Variants in FGF1 observed in about 807,000 individuals in gnomAD.
The protein encoded by FGF1 is fibroblast growth factor 1, also known as beta-endothelial cell growth factor.
Under a neutral mutation model 13.4 loss-of-function variants are expected in FGF1, and 9 were observed. That is an observed-to-expected ratio of 0.67 (90% CI 0.40 to 1.17). The LOEUF (loss-of-function observed/expected upper bound fraction) is 1.17. FGF1 is among the 50% of genes most tolerant of loss of function. The pLI is 0.01. For synonymous variants in FGF1, 93 were observed against 79.0 expected, an observed-to-expected ratio of 1.18 and a Z score of -0.94; for missense variants, 156 against 192.7, an observed-to-expected ratio of 0.81 and a Z score of 1.13.
At chr5:142,644,010 T>C (rs1009780988) in intron 1 of FGF1, 2 of 152,214 alleles carry the variant, frequency 1.3e-5, no homozygotes, top group Non-Finnish European at 2.9e-5. Flanking sequence ...TTTCCCGACT[T>C]AGCTAGGCTC....
chr5:142,617,562 C>A (rs1461069688), intron 1 of FGF1, among the ~76,000 whole-genome samples: 1 of 152,060 alleles, frequency 6.6e-6, no homozygotes, highest in Admixed American at 6.5e-5. Flanking sequence ...CTGCCTGATC[C>A]CCTCAGTGAG....
At chr5:142,657,416 C>G (rs534167601) in intron 1 of FGF1, among the ~76,000 whole-genome samples, 12 of 152,306 alleles carry the variant, frequency 7.9e-5, no homozygotes, top group South Asian at 4.1e-4. Context: ...CAGCACCCCC[C>G]CAACACCTCT....
At chr5:142,631,214 T>C (rs905878439) in intron 1 of FGF1, among the ~76,000 whole-genome samples, 1 of 152,232 alleles carries the variant, frequency 6.6e-6, no homozygotes, top group African/African-American at 2.4e-5. Flanking sequence ...CCCTAGATTA[T>C]TTTTATAGAA....
intron 1 of FGF1, among the ~76,000 whole-genome samples, chr5:142,642,442 GCATCAGCAAACCCAC>G (rs1765352153): frequency 6.6e-6 from 1 of 152,194 alleles, no homozygotes; most frequent in Non-Finnish European, 1.5e-5. Flanking sequence ...AACTTTGTTT[GCATCAGCAAACCCAC>G]CTGCATCATG....
chr5:142,608,973 C>T (rs1303296665), intron 2 of FGF1, among the ~76,000 whole-genome samples: 1 of 151,940 alleles, frequency 6.6e-6, no homozygotes, highest in African/African-American at 2.4e-5. Context: ...TGACTTCTGG[C>T]AGTGGGGTCC....
intron 3 of FGF1, among the ~76,000 whole-genome samples, chr5:142,599,848 C>G (rs1388989676): frequency 6.6e-6 from 1 of 152,212 alleles, no homozygotes; most frequent in Non-Finnish European, 1.5e-5. Context: ...CATTGCAGCT[C>G]ATTCATCCTC....
chr5:142,633,954 A>T (rs1763804444), intron 1 of FGF1, among the ~76,000 whole-genome samples: 1 of 151,532 alleles, frequency 6.6e-6, no homozygotes, highest in African/African-American at 2.4e-5. Flanking sequence ...GGAGGCCGAG[A>T]CGGGCGGATC....
At chr5:142,596,549 TC>T (rs1366552404) in intron 3 of FGF1, among the ~76,000 whole-genome samples, 3 of 148,664 alleles carry the variant, frequency 2.0e-5, no homozygotes, top group African/African-American at 5.0e-5. Flanking sequence ...TTGAGGCCAG[TC>T]TGGGCAACAT....
chr5:142,648,015 G>A (rs949635714), intron 1 of FGF1, among the ~76,000 whole-genome samples: 2 of 152,188 alleles, frequency 1.3e-5, no homozygotes, highest in African/African-American at 4.8e-5. Flanking sequence ...AACCCAGGAG[G>A]TGGAGGTTGC....
At chr5:142,665,281 C>T (rs1196399620) in intron 1 of FGF1, among the ~76,000 whole-genome samples, 1 of 152,058 alleles carries the variant, frequency 6.6e-6, no homozygotes, top group Non-Finnish European at 1.5e-5. Flanking sequence ...CACCCCTCAC[C>T]CCTGCCCCTC....
chr5:142,637,411 C>T (rs1341742800), intron 1 of FGF1, among the ~76,000 whole-genome samples: 5 of 151,654 alleles, frequency 3.3e-5, no homozygotes, highest in African/African-American at 1.2e-4. Flanking sequence ...GCTCCGCCTC[C>T]TGGATTCACA....
At chr5:142,676,466 G>A (rs892709785) in intron 1 of FGF1, among the ~76,000 whole-genome samples, 1 of 152,126 alleles carries the variant, frequency 6.6e-6, no homozygotes, top group Non-Finnish European at 1.5e-5. Flanking sequence ...GGACAGAACC[G>A]CTGCTATTAT....
intron 1 of FGF1, among the ~76,000 whole-genome samples, chr5:142,623,481 G>A (rs191808605): frequency 6.6e-6 from 1 of 152,154 alleles, no homozygotes; most frequent in African/African-American, 2.4e-5. Context: ...AAGTAGCTGG[G>A]ATTATAGGCA....
intron 1 of FGF1, among the ~76,000 whole-genome samples, chr5:142,665,292 G>A (rs796581533): frequency 6.0e-5 from 9 of 148,982 alleles, no homozygotes; most frequent in African/African-American, 1.7e-4. Context: ...CCTGCCCCTC[G>A]TCCACCCCCT....
intron 1 of FGF1, among the ~76,000 whole-genome samples, chr5:142,620,635 G>A (rs568433751): frequency 4.8e-4 from 73 of 152,104 alleles, no homozygotes; most frequent in Non-Finnish European, 6.3e-4. Context: ...TGACAACTCC[G>A]CAATTATGGT....
chr5:142,611,936 T>C (rs566258811), intron 2 of FGF1, among the ~76,000 whole-genome samples: 1 of 152,308 alleles, frequency 6.6e-6, no homozygotes, highest in East Asian at 1.9e-4. Context: ...AACCAACACG[T>C]GCTGTGCTGT....
At chr5:142,607,487 G>A (rs1757947164) in intron 2 of FGF1, among the ~76,000 whole-genome samples, 1 of 152,160 alleles carries the variant, frequency 6.6e-6, no homozygotes, top group Non-Finnish European at 1.5e-5. Flanking sequence ...CTTCTGAAAT[G>A]GGGACATTAA....
intron 1 of FGF1, among the ~76,000 whole-genome samples, chr5:142,678,639 C>T (rs927414563): frequency 6.6e-6 from 1 of 152,212 alleles, no homozygotes; most frequent in Non-Finnish European, 1.5e-5. Flanking sequence ...CTCTGCCATT[C>T]GCCACAGTCC....
At chr5:142,638,655 A>G (rs1423111292) in intron 1 of FGF1, among the ~76,000 whole-genome samples, 1 of 152,082 alleles carries the variant, frequency 6.6e-6, no homozygotes, top group Admixed American at 6.5e-5. Context: ...TTCCAAAAGC[A>G]CAGACAACAA....
Sources: gnomAD v4.1 joint callset for allele counts (sites outside exome capture counted in the v4.1 genomes callset) on GRCh38, gnomAD v4.1.1 for gene constraint, MANE v1.5 for transcripts, NCBI Gene and HGNC (gene_info 2026-07-23, HGNC 2026-07-21) for gene names.